CACNB2: variants seen among roughly 807,000 people sequenced by gnomAD.
The protein encoded by CACNB2 is calcium voltage-gated channel auxiliary subunit beta 2, also known as voltage-dependent L-type calcium channel subunit beta-2.
CACNB2 carries 42 observed loss-of-function variants against 73.3 expected under a neutral mutation model. The ratio of observed to expected loss-of-function variants is 0.57; its 90% CI spans 0.45 to 0.74. The LOEUF is 0.74. CACNB2 is among the 30% of genes least tolerant of loss of function. The pLI, the probability that CACNB2 is intolerant of heterozygous loss-of-function variation, is 0.00. For missense variants in CACNB2, 940 were observed against 853.0 expected (o/e 1.10, Z -1.27); for synonymous variants, 348 against 310.3 (o/e 1.12, Z -1.28).
intron 2 of CACNB2, among the ~76,000 whole-genome samples, chr10:18,184,989 A>C (rs972399634): frequency 2.0e-5 from 3 of 152,050 alleles, no homozygotes; most frequent in African/African-American, 7.2e-5. Context: ...ACAGGCATGC[A>C]CCACCACGCC....
chr10:18,225,470 A>C (rs1314281330), intron 2 of CACNB2, among the ~76,000 whole-genome samples: 8 of 152,172 alleles, frequency 5.3e-5, no homozygotes, highest in Admixed American at 5.2e-4. Context: ...AGGATTCGTG[A>C]CACCACAGGC....
At chr10:18,151,093 G>A in intron 2 of CACNB2, 118 bp downstream of exon 2, 1 of 756,854 alleles carries the variant, frequency 1.3e-6, no homozygotes, top group South Asian at 1.5e-5. Flanking sequence ...ACTTTTAATT[G>A]AAGTGAAGAC....
At chr10:18,499,606 T>G in intron 4 of CACNB2, among the ~76,000 whole-genome samples, 2 of 84,250 alleles carry the variant, frequency 2.4e-5, no homozygotes, top group African/African-American at 4.4e-5. Flanking sequence ...AGAGTGAGAT[T>G]CTGTCTCAAA....
chr10:18,233,032 C>G (rs1277750), intron 2 of CACNB2, among the ~76,000 whole-genome samples: 81,277 of 152,080 alleles, frequency 0.53, 24,241 homozygotes, highest in Non-Finnish European at 0.67. Flanking sequence ...CTGCAGTGAA[C>G]CATGATCGCA....
At chr10:18,481,834 T>C (rs933375392) in intron 3 of CACNB2, among the ~76,000 whole-genome samples, 4 of 152,200 alleles carry the variant, frequency 2.6e-5, no homozygotes, top group South Asian at 2.1e-4. Context: ...GCTACAGATA[T>C]GGACAGCCAT....
At chr10:18,307,335 G>A (rs182476214) in intron 2 of CACNB2, among the ~76,000 whole-genome samples, 2 of 152,062 alleles carry the variant, frequency 1.3e-5, no homozygotes, top group African/African-American at 2.4e-5. Flanking sequence ...GGTGGCACAC[G>A]CCTGTAGTCC....
At chr10:18,521,533 A>G (rs2051882319) in intron 9 of CACNB2, among the ~76,000 whole-genome samples, 2 of 152,170 alleles carry the variant, frequency 1.3e-5, no homozygotes, top group African/African-American at 4.8e-5. Context: ...TCCCCCGGTC[A>G]CTATTCAACT....
chr10:18,531,203 G>A (rs2052990059), intron 10 of CACNB2, among the ~76,000 whole-genome samples: 1 of 152,136 alleles, frequency 6.6e-6, no homozygotes, highest in South Asian at 2.1e-4. Flanking sequence ...TGTTATTACA[G>A]TATTTTTTGT....
chr10:18,509,536 C>T (rs1056671877), intron 6 of CACNB2, among the ~76,000 whole-genome samples: 57 of 152,212 alleles, frequency 3.7e-4, no homozygotes, highest in Admixed American at 3.3e-3. Context: ...GCCATGGTCA[C>T]GCCTGTAATC....
At chr10:18,197,793 T>G (rs1000340016) in intron 2 of CACNB2, among the ~76,000 whole-genome samples, 1 of 151,970 alleles carries the variant, frequency 6.6e-6, no homozygotes, top group Non-Finnish European at 1.5e-5. Context: ...CAACGTCTCC[T>G]GGGGCGTGAG....
chr10:18,460,534 C>T (rs549833711), intron 3 of CACNB2, among the ~76,000 whole-genome samples: 1 of 151,946 alleles, frequency 6.6e-6, no homozygotes, highest in Non-Finnish European at 1.5e-5. Context: ...GTGATGGTGC[C>T]AGGGAAGATT....
chr10:18,463,936 CCCTT>C (rs1322167281), intron 3 of CACNB2, among the ~76,000 whole-genome samples: 6 of 152,120 alleles, frequency 3.9e-5, no homozygotes, highest in Non-Finnish European at 8.8e-5. Flanking sequence ...CTTAACTTCT[CCCTT>C]CCTCTCCTCT....
rs557859826 is a variant in CACNB2 at position 18,539,222 on chromosome 10, G to A, written c.1489-8G>A. On this transcript the variant is annotated splice_polypyrimidine_tract_variant and splice_region_variant and intron_variant, in intron 13 of 13. Coordinates refer to ENST00000324631, the MANE Select transcript of CACNB2 (RefSeq NM_201596.3). ...GGTTAACGCCTGGTGTGCTCCTTTC[G>A]CTGCCAGGGTTCTCAAGGTGATCAG... 19 of 1,613,746 alleles carry A rather than the reference G, an allele frequency of 1.2e-5. No homozygotes were observed. The highest frequency in any genetic ancestry group is 4.0e-5 in the African/African-American group (3 of 74,844).
At chr10:18,535,838 A>G (rs2053519467) in intron 11 of CACNB2, among the ~76,000 whole-genome samples, 1 of 152,058 alleles carries the variant, frequency 6.6e-6, no homozygotes, top group Non-Finnish European at 1.5e-5. Context: ...TAAATGTTTT[A>G]ATAGTTTTCC....
chr10:18,526,310 A>G (rs2052466458), intron 9 of CACNB2, among the ~76,000 whole-genome samples: 1 of 152,218 alleles, frequency 6.6e-6, no homozygotes, highest in South Asian at 2.1e-4. Flanking sequence ...CTCAACATTC[A>G]GAATCCTTTC....
At chr10:18,149,574 G>A (rs543145944) in intron 1 of CACNB2, among the ~76,000 whole-genome samples, 3 of 152,040 alleles carry the variant, frequency 2.0e-5, no homozygotes, top group African/African-American at 7.3e-5. Flanking sequence ...TACTCATAAC[G>A]CAAATGTTTG....
At chr10:18,486,373 A>G (rs1011471483) in intron 3 of CACNB2, among the ~76,000 whole-genome samples, 6 of 152,224 alleles carry the variant, frequency 3.9e-5, no homozygotes, top group African/African-American at 1.4e-4. Context: ...ATAACCAAAG[A>G]TATTTTTAAG....
At chr10:18,357,094 A>G (rs12356186) in intron 2 of CACNB2, among the ~76,000 whole-genome samples, 3,162 of 147,956 alleles carry the variant, frequency 0.021, 50 homozygotes, top group South Asian at 0.047. Flanking sequence ...ACAGGCGCGC[A>G]CCACCATGCC....
At chr10:18,188,696 A>C (rs1779244) in intron 2 of CACNB2, among the ~76,000 whole-genome samples, 140,716 of 152,168 alleles carry the variant, frequency 0.92, 65,100 homozygotes, top group East Asian at 0.96. Context: ...TATAAGGAGA[A>C]AAATTTTCAA....
Sources: gnomAD v4.1 joint callset for allele counts (sites outside exome capture counted in the v4.1 genomes callset) on GRCh38, gnomAD v4.1.1 for gene constraint, MANE v1.5 for transcripts, NCBI Gene and HGNC (gene_info 2026-07-23, HGNC 2026-07-21) for gene names.